The following MYO1E variants were observed in gnomAD, a reference collection of about 807,000 sequenced individuals.
The protein encoded by MYO1E is unconventional myosin-Ie.
MYO1E carries 68 observed loss-of-function variants against 151.1 expected under a neutral mutation model. That is an observed-to-expected ratio of 0.45 (90% CI 0.37 to 0.55). MYO1E has a LOEUF of 0.55. Among genes scored for constraint, MYO1E ranks in the 20% least tolerant of loss-of-function variants. MYO1E has a pLI of 0.00. For missense variants in MYO1E, 1,363 were observed against 1,389.3 expected, an observed-to-expected ratio of 0.98 and a Z score of 0.30; for synonymous variants, 601 against 501.7, an observed-to-expected ratio of 1.20 and a Z score of -2.64.
chr15:59,207,303 G>A (rs536602124), intron 14 of MYO1E: 37 of 1,614,146 alleles, frequency 2.3e-5, no homozygotes, highest in East Asian at 4.5e-5. Context: ...GCCCTTTCAC[G>A]AAAATGCCAA....
In MYO1E at chr15:59,327,566, C is replaced by G. The variant is rs535645876; in HGVS notation, c.3+44932G>C. Among the ~76,000 whole-genome samples the G allele has an allele frequency of 1.3e-4, 20 of 152,262 alleles. 2 individuals carry two copies. The South Asian group carries it at 4.2e-3, about 32-fold the overall frequency. On this transcript the variant is annotated intron_variant, in intron 1 of 27. Transcript: ENST00000288235. ...CTGGCCTTAAGCAATTCTCCTTCCT[C>G]TGCCTCCAAAAGTATTGGGATTGCA...
At chr15:59,235,797 G>A (rs1328540387) in intron 5 of MYO1E, among the ~76,000 whole-genome samples, 1 of 152,330 alleles carries the variant, frequency 6.6e-6, no homozygotes. Context: ...AGCAATGTAT[G>A]AGAACAACTG....
chr15:59,369,205 C>T (rs7178041), intron 1 of MYO1E, among the ~76,000 whole-genome samples: 111,429 of 152,134 alleles, frequency 0.73, 43,747 homozygotes, highest in Non-Finnish European at 0.88. Context: ...CATCAGCTAT[C>T]CATCAGATTT....
chr15:59,199,040 T>G (rs1307907763), intron 16 of MYO1E, among the ~76,000 whole-genome samples: 4 of 152,148 alleles, frequency 2.6e-5, no homozygotes, highest in Non-Finnish European at 5.9e-5. Context: ...TTATCCGAAA[T>G]GCTTGGGAAG....
Position 59,153,652 on chromosome 15 carries a change from G to C in MYO1E, c.3018C>G (p.Asp1006Glu). The C allele has an allele frequency of 6.2e-7, 1 of 1,614,168 alleles. No homozygotes were observed. The highest frequency in any genetic ancestry group is 8.5e-7 in the Non-Finnish European group (1 of 1,180,022). ...PLPRQQSTSS[D>E]RVSQTPESLD... ...GGCTCTCTGGCGTCTGTGACACTCG[G>C]TCTGAACTGGTAGACTGCTGCCGAG... Residue 1006 changes from aspartate to glutamate, a missense_variant, in exon 26 of 28, where the codon GAC becomes GAG. Physicochemically the swap from Asp to Glu is conservative, Grantham distance 45 (BLOSUM62 2). Transcript: ENST00000288235.
chr15:59,227,684 C>G (rs1443528473), intron 6 of MYO1E, 94 bp from the exon 7 acceptor site: 1 of 1,495,024 alleles, frequency 6.7e-7, no homozygotes, highest in African/African-American at 1.4e-5. Flanking sequence ...CAAGGAAATT[C>G]ATTAATAAAA....
Position 59,138,198 on chromosome 15 carries a change from CTTCT to C in MYO1E, c.3246_3249del (p.Glu1083IlefsTer22). 1 of 1,614,116 alleles carries C rather than the reference CTTCT, an allele frequency of 6.2e-7. No homozygotes were observed. Among genetic ancestry groups the C allele is most frequent in the Non-Finnish European group, 8.5e-7 (1 of 1,180,024 alleles). ...CCCAGCCAACCAGCCACACACTTACCTTCTTTGATAATATCAATAATGTCATTGG... is the reference window on the plus strand; with the variant it reads ...CCCAGCCAACCAGCCACACACTTACCTTGATAATATCAATAATGTCATTGG... On this transcript the variant is annotated frameshift_variant and splice_region_variant, in exon 27 of 28. Transcript: ENST00000288235. LOFTEE classifies it high-confidence loss of function.
At chr15:59,275,133 T>C (rs2080310641) in intron 1 of MYO1E, among the ~76,000 whole-genome samples, 1 of 152,198 alleles carries the variant, frequency 6.6e-6, no homozygotes, top group African/African-American at 2.4e-5. Flanking sequence ...TCGATGACTA[T>C]GGACGCATCC....
chr15:59,272,595 G>A (rs2080294834), intron 1 of MYO1E, 146 bp from the exon 2 acceptor site: 3 of 920,352 alleles, frequency 3.3e-6, no homozygotes, highest in African/African-American at 1.6e-5. Flanking sequence ...TCAATAAGAT[G>A]AGGATTCAAG....
At position 59,225,411 on chromosome 15, in the gene MYO1E, G is replaced by A. The variant is rs1428423612; in HGVS notation, c.643-588C>T. On this transcript the variant is annotated intron_variant, in intron 7 of 27. Coordinates refer to ENST00000288235, the MANE Select transcript of MYO1E (RefSeq NM_004998.4). ...CCCCACACCCCAGCTCGTCCCTTTT[G>A]CCCAAGAGCTCTGACCATTTGATCC... Among the ~76,000 whole-genome samples, 3 of 151,970 alleles carry A rather than the reference G, an allele frequency of 2.0e-5. No homozygotes were observed. The East Asian group carries it at 5.8e-4, about 29-fold the overall frequency.
chr15:59,215,956 C>A (rs1006839311), intron 10 of MYO1E, among the ~76,000 whole-genome samples: 3 of 152,156 alleles, frequency 2.0e-5, no homozygotes, highest in Non-Finnish European at 4.4e-5. Flanking sequence ...AATGAGGGGT[C>A]TGGACAACCT....
intron 10 of MYO1E, among the ~76,000 whole-genome samples, chr15:59,217,629 G>C (rs1242944966): frequency 7.2e-6 from 1 of 138,964 alleles, no homozygotes; most frequent in Non-Finnish European, 1.5e-5. Flanking sequence ...AGGCTCAAGT[G>C]ATCTTAACCA....
intron 12 of MYO1E, among the ~76,000 whole-genome samples, chr15:59,213,873 A>G (rs558671865): frequency 6.6e-6 from 1 of 152,326 alleles, no homozygotes; most frequent in Non-Finnish European, 1.5e-5. Context: ...AATGGCGTAG[A>G]TCTGAGGAAA....
intron 16 of MYO1E, among the ~76,000 whole-genome samples, chr15:59,196,265 G>A (rs1244271257): frequency 6.6e-6 from 1 of 152,178 alleles, no homozygotes; most frequent in Non-Finnish European, 1.5e-5. Flanking sequence ...TAATGCCTGT[G>A]CACTGGGTAC....
chr15:59,313,889 T>TA (rs770441119), intron 1 of MYO1E, among the ~76,000 whole-genome samples: 6 of 152,230 alleles, frequency 3.9e-5, no homozygotes, highest in Non-Finnish European at 8.8e-5. Flanking sequence ...GAGAATGACT[T>TA]AATTGCTCCT....
At chr15:59,339,473 C>G (rs2080750241) in intron 1 of MYO1E, among the ~76,000 whole-genome samples, 1 of 152,202 alleles carries the variant, frequency 6.6e-6, no homozygotes, top group African/African-American at 2.4e-5. Flanking sequence ...CTTCACTACC[C>G]CGATATTCAC....
In MYO1E at chr15:59,298,170, A is replaced by C. The variant is rs145678796; in HGVS notation, c.4-25721T>G. ...TGGTGAGATACTTTGCGACTATGTA[A>C]ATATCCTGTTCCTCATCAAACCTTA... On this transcript the variant is annotated intron_variant, in intron 1 of 27. Transcript: ENST00000288235. 3.1e-3 allele frequency among the ~76,000 whole-genome samples: 474 copies of C among 152,306 alleles called. 2 individuals carry two copies. Among genetic ancestry groups the C allele is most frequent in the African/African-American group, 0.011 (439 of 41,568 alleles).
In MYO1E at chr15:59,229,572, T is replaced by A. The variant is rs567165848; in HGVS notation, c.511-1982A>T. Among the ~76,000 whole-genome samples the A allele has an allele frequency of 6.6e-5, 10 of 152,362 alleles. No homozygotes were observed. The East Asian group carries it at 1.9e-3, about 29-fold the overall frequency. ...TTTGATAATGAAATGAAAAGAAGTT[T>A]CACCTCGACTCTTGGTAATGATTTA... On this transcript the variant is annotated intron_variant, in intron 6 of 27. Transcript: ENST00000288235.
chr15:59,147,068 G>C (rs1164472843), intron 26 of MYO1E, among the ~76,000 whole-genome samples: 1 of 152,160 alleles, frequency 6.6e-6, no homozygotes, highest in Non-Finnish European at 1.5e-5. Context: ...CTATATTAGT[G>C]ACCAGAGAAG....
Sources: allele counts gnomAD v4.1 joint callset (sites outside exome capture counted in the v4.1 genomes callset), GRCh38; gene constraint gnomAD v4.1.1; transcripts MANE v1.5; gene names NCBI Gene and HGNC (gene_info 2026-07-23, HGNC 2026-07-21).